CDH12: variants seen among roughly 807,000 people sequenced by gnomAD.
CDH12 encodes cadherin 12, also known as cadherin-12.
CDH12 carries 41 observed loss-of-function variants against 74.1 expected under a neutral mutation model. The ratio of observed to expected loss-of-function variants is 0.55; its 90% confidence interval spans 0.43 to 0.72. The LOEUF (loss-of-function observed/expected upper bound fraction) is 0.72, where lower values mean the gene tolerates loss of function less well. Ranked by LOEUF, CDH12 falls within the 30% of genes least tolerant of loss-of-function variation. The pLI is 0.00. For synonymous variants in CDH12, 399 were observed against 355.0 expected, an observed-to-expected ratio of 1.12 and a Z score of -1.39; for missense variants, 945 against 977.2, an observed-to-expected ratio of 0.97 and a Z score of 0.44.
intron 6 of CDH12, among the ~76,000 whole-genome samples, chr5:21,892,447 G>C (rs1752940648): frequency 6.6e-6 from 1 of 152,058 alleles, no homozygotes; most frequent in Admixed American, 6.6e-5. Flanking sequence ...TTTCATTGTT[G>C]TCACTTTTCG....
intron 5 of CDH12, among the ~76,000 whole-genome samples, chr5:22,046,426 A>ATTTTTTTTTTTTTTTTT (rs1739955012): frequency 7.8e-6 from 1 of 127,464 alleles, no homozygotes; most frequent in African/African-American, 3.8e-5. Context: ...TGGTCATTTA[A>ATTTTTTTTTTTTTTTTT]TTTCTTTTTT....
chr5:21,944,337 A>G (rs999550303), intron 6 of CDH12, among the ~76,000 whole-genome samples: 4 of 152,138 alleles, frequency 2.6e-5, no homozygotes, highest in Non-Finnish European at 5.9e-5. Flanking sequence ...ACCATAGTCA[A>G]TCCCAATACA....
At chr5:21,971,641 A>C (rs1293101427) in intron 6 of CDH12, among the ~76,000 whole-genome samples, 3 of 152,160 alleles carry the variant, frequency 2.0e-5, no homozygotes, top group Non-Finnish European at 4.4e-5. Flanking sequence ...ATTGTAGGAA[A>C]AGTAACTTAA....
intron 5 of CDH12, among the ~76,000 whole-genome samples, chr5:21,981,481 C>T (rs549191131): frequency 4.2e-3 from 633 of 152,180 alleles, no homozygotes; most frequent in African/African-American, 0.015. Context: ...AAATAACCAT[C>T]ACCCTAACAC....
intron 4 of CDH12, among the ~76,000 whole-genome samples, chr5:22,154,419 CATATACATATATAGTGAATATAT>C (rs1561169561): frequency 2.1e-4 from 30 of 145,988 alleles, no homozygotes; most frequent in East Asian, 6.2e-4. Context: ...CACACACACA[CATATACATATATAGTGAATATAT>C]ACACATATAT....
At chr5:22,753,678 A>C (rs1745725869) in intron 1 of CDH12, among the ~76,000 whole-genome samples, 1 of 151,792 alleles carries the variant, frequency 6.6e-6, no homozygotes, top group Admixed American at 6.6e-5. Flanking sequence ...TCAAAAAGAC[A>C]GAATGAAAAG....
chr5:22,287,419 ATTAAT>A (rs963730305), intron 3 of CDH12, among the ~76,000 whole-genome samples: 1 of 152,080 alleles, frequency 6.6e-6, no homozygotes, highest in African/African-American at 2.4e-5. Context: ...AAAATATAAA[ATTAAT>A]TTAATAAAAT....
intron 6 of CDH12, among the ~76,000 whole-genome samples, chr5:21,855,511 A>G (rs1239948771): frequency 6.6e-6 from 1 of 151,608 alleles, no homozygotes; most frequent in African/African-American, 2.4e-5. Flanking sequence ...ATCAGTCTCT[A>G]AAAACTTTTA....
chr5:22,283,012 G>A (rs1736957059), intron 3 of CDH12, among the ~76,000 whole-genome samples: 2 of 151,764 alleles, frequency 1.3e-5, no homozygotes, highest in South Asian at 2.1e-4. Flanking sequence ...ACGATAGACT[G>A]GATTAAGAAA....
At chr5:22,342,205 C>A (rs1035064431) in intron 3 of CDH12, among the ~76,000 whole-genome samples, 12 of 152,120 alleles carry the variant, frequency 7.9e-5, no homozygotes, top group African/African-American at 2.9e-4. Context: ...CTTCCGAATA[C>A]CATCACACTG....
intron 3 of CDH12, among the ~76,000 whole-genome samples, chr5:22,387,024 T>C (rs1742027768): frequency 6.6e-6 from 1 of 151,976 alleles, no homozygotes; most frequent in Non-Finnish European, 1.5e-5. Flanking sequence ...ATTTGTAAAG[T>C]AATATGATTA....
At chr5:21,851,801 G>A (rs2149997597) in intron 7 of CDH12, among the ~76,000 whole-genome samples, 1 of 151,392 alleles carries the variant, frequency 6.6e-6, no homozygotes, top group African/African-American at 2.4e-5. Flanking sequence ...CTTAGATAGA[G>A]ATGCTGGGAA....
intron 2 of CDH12, among the ~76,000 whole-genome samples, chr5:22,405,709 G>A (rs1441857075): frequency 6.6e-6 from 1 of 152,076 alleles, no homozygotes; most frequent in East Asian, 1.9e-4. Flanking sequence ...AAACAGACCT[G>A]GTAGCTCATA....
intron 5 of CDH12, among the ~76,000 whole-genome samples, chr5:21,998,643 T>G (rs1227081595): frequency 1.3e-5 from 2 of 152,146 alleles, no homozygotes; most frequent in Admixed American, 1.3e-4. Flanking sequence ...TGATGTTAGA[T>G]CTTTATAAAA....
At position 21,751,999 on chromosome 5, in the gene CDH12, T is replaced by G; in HGVS notation, c.2123A>C (p.Glu708Ala). 1 of 1,614,126 alleles carries G rather than the reference T, an allele frequency of 6.2e-7. No individual in the cohort carries two copies. The highest frequency in any genetic ancestry group is 8.5e-7 in the Non-Finnish European group (1 of 1,180,012). Residue 708 changes from glutamate (E) to alanine (A), a missense_variant, in exon 15 of 15, where the codon GAA becomes GCA. Coordinates refer to ENST00000382254, the MANE Select transcript of CDH12 (RefSeq NM_004061.5). ...LCLPRQRPPM[E>A]DNTDIRDFIH... ...GAAATCCCTTATGTCTGTGTTATCT[T>G]CCATGGGTGGTCTCTGACGAGGTAA... is the stretch of plus-strand genomic sequence containing the variant.
At chr5:22,738,848 T>C (rs1744873855) in intron 1 of CDH12, among the ~76,000 whole-genome samples, 1 of 152,060 alleles carries the variant, frequency 6.6e-6, no homozygotes. Context: ...CTTTGTGTGT[T>C]TGATTTTAAT....
intron 1 of CDH12, among the ~76,000 whole-genome samples, chr5:22,699,799 C>A (rs975453394): frequency 2.0e-5 from 3 of 152,068 alleles, no homozygotes; most frequent in Non-Finnish European, 2.9e-5. Context: ...CAGAAGATTG[C>A]CTAATGAGCT....
At chr5:22,670,224 G>A (rs1347886365) in intron 1 of CDH12, among the ~76,000 whole-genome samples, 1 of 151,994 alleles carries the variant, frequency 6.6e-6, no homozygotes, top group Non-Finnish European at 1.5e-5. Flanking sequence ...CTATGTTGTT[G>A]CCCAGGCTGG....
chr5:22,791,732 G>A (rs1483905103), intron 1 of CDH12, among the ~76,000 whole-genome samples: 1 of 152,178 alleles, frequency 6.6e-6, no homozygotes, highest in Non-Finnish European at 1.5e-5. Context: ...AGCAAGGCAT[G>A]TCTTACATGA....
Sources: allele counts gnomAD v4.1 joint callset (sites outside exome capture counted in the v4.1 genomes callset), GRCh38; gene constraint gnomAD v4.1.1; transcripts MANE v1.5; gene names NCBI Gene and HGNC (gene_info 2026-07-23, HGNC 2026-07-21).